Variants in NTM observed in about 807,000 individuals in gnomAD.
The protein encoded by NTM is neurotrimin.
In NTM, 13 loss-of-function variants were observed where a neutral mutation model predicts 42.1. The observed-to-expected ratio is 0.31, with a 90% CI of 0.20 to 0.49. NTM has a LOEUF of 0.49. NTM is among the 20% of genes least tolerant of loss of function. The probability of loss-of-function intolerance (pLI) is 0.99; values close to 1 mark genes in which losing one functional copy is unlikely to be tolerated. For synonymous variants in NTM, 187 were observed against 179.2 expected, an observed-to-expected ratio of 1.04 and a Z score of -0.35; for missense variants, 373 against 452.8, an observed-to-expected ratio of 0.82 and a Z score of 1.60.
At chr11:131,990,843 C>T (rs768584951) in intron 2 of NTM, among the ~76,000 whole-genome samples, 1 of 152,152 alleles carries the variant, frequency 6.6e-6, no homozygotes, top group Admixed American at 6.5e-5. Context: ...GCTCTATAAA[C>T]TATTTTCCAC....
chr11:132,113,774 C>G (rs952305730), intron 2 of NTM, among the ~76,000 whole-genome samples: 2 of 152,146 alleles, frequency 1.3e-5, no homozygotes, highest in Non-Finnish European at 2.9e-5. Context: ...AGTTGTGCTT[C>G]GAAGGACTCC....
chr11:132,282,226 G>A (rs555778766), intron 4 of NTM, among the ~76,000 whole-genome samples: 15 of 152,266 alleles, frequency 9.9e-5, no homozygotes, highest in South Asian at 4.2e-4. Flanking sequence ...ATAAATTGCC[G>A]TATTGACTGG....
chr11:131,607,119 G>T (rs1475752743), intron 1 of NTM, among the ~76,000 whole-genome samples: 1 of 152,198 alleles, frequency 6.6e-6, no homozygotes, highest in Admixed American at 6.5e-5. Flanking sequence ...AGCTAAAATG[G>T]CTTTGTGTAT....
At chr11:132,182,001 A>G (rs1217955493) in intron 3 of NTM, among the ~76,000 whole-genome samples, 1 of 109,764 alleles carries the variant, frequency 9.1e-6, no homozygotes, top group African/African-American at 3.0e-5. Context: ...ATTTTAATCT[A>G]GGAAGGGTGT....
At chr11:131,864,059 G>C (rs1205442147) in intron 1 of NTM, among the ~76,000 whole-genome samples, 2 of 152,126 alleles carry the variant, frequency 1.3e-5, no homozygotes, top group Admixed American at 6.5e-5. Flanking sequence ...GGTCAGGGAG[G>C]AAAGGAGGGA....
At chr11:131,439,005 C>G (rs908275070) in intron 1 of NTM, among the ~76,000 whole-genome samples, 2 of 152,136 alleles carry the variant, frequency 1.3e-5, no homozygotes, top group Admixed American at 6.5e-5. Flanking sequence ...TGATGCTATT[C>G]TTTTCTGTTT....
intron 1 of NTM, among the ~76,000 whole-genome samples, chr11:131,826,605 T>C (rs941619211): frequency 1.4e-5 from 2 of 145,846 alleles, no homozygotes; most frequent in African/African-American, 5.0e-5. Flanking sequence ...AATGGCGCAG[T>C]GGAAGGTGAA....
At chr11:131,376,667 ATTT>A (rs33999798) in intron 1 of NTM, among the ~76,000 whole-genome samples, 32 of 145,160 alleles carry the variant, frequency 2.2e-4, no homozygotes, top group Non-Finnish European at 2.6e-4. Context: ...ACTAAATTTG[ATTT>A]TTTTTTTTTT....
At chr11:131,786,094 C>G (rs776973363) in intron 1 of NTM, among the ~76,000 whole-genome samples, 1 of 152,090 alleles carries the variant, frequency 6.6e-6, no homozygotes, top group Non-Finnish European at 1.5e-5. Context: ...GCATTTTCTT[C>G]GGGGAAGAGA....
intron 2 of NTM, among the ~76,000 whole-genome samples, chr11:132,049,661 T>A (rs894921751): frequency 6.6e-6 from 1 of 152,120 alleles, no homozygotes; most frequent in Non-Finnish European, 1.5e-5. Flanking sequence ...TTTGCCTATC[T>A]CAATGGCAGC....
intron 2 of NTM, among the ~76,000 whole-genome samples, chr11:131,962,210 C>T (rs536964478): frequency 6.6e-6 from 1 of 152,162 alleles, no homozygotes; most frequent in African/African-American, 2.4e-5. Flanking sequence ...TCATCTTTCT[C>T]TTTAAAGCAG....
chr11:132,120,320 G>C (rs1416701039), intron 2 of NTM, among the ~76,000 whole-genome samples: 3 of 152,126 alleles, frequency 2.0e-5, no homozygotes, highest in Admixed American at 1.3e-4. Flanking sequence ...GCTCTTCCCA[G>C]GAGTTGGTAG....
At chr11:131,416,504 G>C (rs1946973099) in intron 1 of NTM, among the ~76,000 whole-genome samples, 1 of 152,124 alleles carries the variant, frequency 6.6e-6, no homozygotes, top group Non-Finnish European at 1.5e-5. Context: ...CTTCAACATT[G>C]GCTGATGACT....
intron 4 of NTM, among the ~76,000 whole-genome samples, chr11:132,242,467 A>C (rs1417091694): frequency 2.0e-5 from 3 of 152,224 alleles, no homozygotes; most frequent in Non-Finnish European, 4.4e-5. Flanking sequence ...GAAAGAAAGA[A>C]TAGCAAAGAA....
intron 1 of NTM, among the ~76,000 whole-genome samples, chr11:131,664,423 C>T (rs922522175): frequency 1.3e-5 from 2 of 152,126 alleles, no homozygotes; most frequent in African/African-American, 4.8e-5. Flanking sequence ...AGAATTTTTG[C>T]CAATACAAGG....
chr11:131,708,304 A>AT (rs1443627930), intron 1 of NTM, among the ~76,000 whole-genome samples: 3 of 152,200 alleles, frequency 2.0e-5, no homozygotes, highest in African/African-American at 7.2e-5. Context: ...TTCAAGAAAC[A>AT]TAACAAACTT....
At chr11:131,931,480 T>G (rs1359724691) in intron 2 of NTM, among the ~76,000 whole-genome samples, 1 of 150,816 alleles carries the variant, frequency 6.6e-6, no homozygotes, top group East Asian at 1.9e-4. Flanking sequence ...TGTGTGTGTG[T>G]GTGTGTGTGT....
At chr11:132,200,366 TAG>T (rs1452244830) in intron 3 of NTM, among the ~76,000 whole-genome samples, 1 of 152,188 alleles carries the variant, frequency 6.6e-6, no homozygotes, top group African/African-American at 2.4e-5. Flanking sequence ...ACTGTAGCAC[TAG>T]AGAGAGGCTG....
At chr11:131,881,978 T>G (rs1412519010) in intron 1 of NTM, among the ~76,000 whole-genome samples, 1 of 152,220 alleles carries the variant, frequency 6.6e-6, no homozygotes, top group Non-Finnish European at 1.5e-5. Context: ...TTCTTCTCTT[T>G]GCCTAACATC....
Sources: gnomAD v4.1 joint callset for allele counts (sites outside exome capture counted in the v4.1 genomes callset) on GRCh38, gnomAD v4.1.1 for gene constraint, MANE v1.5 for transcripts, NCBI Gene and HGNC (gene_info 2026-07-23, HGNC 2026-07-21) for gene names.